Variants in GPR107 observed in about 807,000 individuals in gnomAD.
The protein encoded by GPR107 is protein GPR107.
A neutral mutation model predicts 75.5 loss-of-function variants in GPR107; 31 were observed. The ratio of observed to expected loss-of-function variants is 0.41; its 90% CI spans 0.31 to 0.55. The LOEUF is 0.55. Among genes scored for constraint, GPR107 ranks in the 20% least tolerant of loss-of-function variants. The probability of loss-of-function intolerance (pLI) is 0.26; values close to 1 mark genes in which losing one functional copy is unlikely to be tolerated. For synonymous variants in GPR107, 267 were observed against 251.3 expected, an observed-to-expected ratio of 1.06 and a Z score of -0.59; for missense variants, 572 against 665.7, an observed-to-expected ratio of 0.86 and a Z score of 1.55.
At chr9:130,062,769 G>T (rs1829964462) in intron 1 of GPR107, among the ~76,000 whole-genome samples, 2 of 150,312 alleles carry the variant, frequency 1.3e-5, no homozygotes, top group Admixed American at 1.3e-4. Context: ...ACCCAGCCTA[G>T]AACTCAGTGG....
chr9:130,073,336 C>T (rs1830258145), intron 1 of GPR107, among the ~76,000 whole-genome samples: 1 of 152,126 alleles, frequency 6.6e-6, no homozygotes, highest in Admixed American at 6.6e-5. Flanking sequence ...GGGTAGTCAT[C>T]ATATACTGTC....
At chr9:130,116,945 T>C (rs1199941750) in intron 14 of GPR107, among the ~76,000 whole-genome samples, 4 of 77,144 alleles carry the variant, frequency 5.2e-5, no homozygotes, top group African/African-American at 2.1e-4. Context: ...ATATTTGAAA[T>C]GTATTTTTTT....
At chr9:130,066,853 G>A (rs1018221987) in intron 1 of GPR107, among the ~76,000 whole-genome samples, 8 of 152,184 alleles carry the variant, frequency 5.3e-5, no homozygotes, top group African/African-American at 1.7e-4. Flanking sequence ...GGGTGTGGTG[G>A]CGGGCGCCTG....
chr9:130,101,135 T>C lies in GPR107; in HGVS notation c.1043T>C (p.Ile348Thr), dbSNP rs148121210. ...LLKGALLFIT[I>T]ALIGTGWAFI... ...AAAGGGGCGCTACTCTTCATCACCA[T>C]TGCACTCATTGGCACTGGCTGGGCT... The change falls in exon 12 of 18, where the codon ATT becomes ACT. Residue 348 changes from isoleucine to threonine, a missense_variant. Ile to Thr is a moderately conservative substitution (Grantham distance 89, BLOSUM62 -1). Transcript: ENST00000347136. 5 of 1,608,198 alleles carry C rather than the reference T, an allele frequency of 3.1e-6. No individual in the cohort carries two copies. Among genetic ancestry groups the C allele is most frequent in the Non-Finnish European group, 3.4e-6 (4 of 1,174,560 alleles).
intron 7 of GPR107, among the ~76,000 whole-genome samples, chr9:130,088,016 G>A (rs1830654992): frequency 6.6e-6 from 1 of 152,066 alleles, no homozygotes; most frequent in African/African-American, 2.4e-5. Context: ...AACAATGTTT[G>A]TATGTTCTTT....
chr9:130,080,986 G>T (rs181923816), intron 5 of GPR107, among the ~76,000 whole-genome samples: 1 of 151,622 alleles, frequency 6.6e-6, no homozygotes, highest in African/African-American at 2.4e-5. Flanking sequence ...AAAGTGGGAG[G>T]ATCACTTGAG....
intron 3 of GPR107, among the ~76,000 whole-genome samples, chr9:130,076,953 T>A (rs1830365577): frequency 1.3e-5 from 2 of 151,650 alleles, no homozygotes; most frequent in African/African-American, 4.8e-5. Flanking sequence ...AATGGTGTGA[T>A]CTTGGCTCAC....
chr9:130,059,178 C>T (rs188556591), intron 1 of GPR107, among the ~76,000 whole-genome samples: 3 of 152,270 alleles, frequency 2.0e-5, no homozygotes, highest in African/African-American at 7.2e-5. Flanking sequence ...CAGCATTTGT[C>T]ATTGTCTTCC....
Position 130,115,762 on chromosome 9 carries a change from C to CAA in GPR107, c.1306+8245_1306+8246dup, listed in dbSNP as rs765306078. On this transcript the variant is annotated intron_variant, in intron 14 of 17. Coordinates refer to ENST00000347136, the MANE Select transcript of GPR107 (RefSeq NM_020960.5). ...TGGGCGACAGAGCAAGACTCCGTCT[C>CAA]AAAAAAAAAAAAAAAAAAAAAAATT... Among the ~76,000 whole-genome samples, 346 of 90,086 alleles carry CAA rather than the reference C, an allele frequency of 3.8e-3. 4 individuals are homozygous for CAA. Among genetic ancestry groups the CAA allele is most frequent in the African/African-American group, 0.014 (313 of 22,090 alleles). 59.1% of individuals were successfully genotyped at this position (90,086 alleles called of 152,430 possible).
At position 130,128,711 on chromosome 9, in the gene GPR107, C is replaced by T; in HGVS notation, c.1512C>T (p.Asn504=). 1 of 1,611,358 alleles carries T rather than the reference C, an allele frequency of 6.2e-7. No individual in the cohort carries two copies. Among genetic ancestry groups the T allele is most frequent in the Non-Finnish European group, 8.5e-7 (1 of 1,177,454 alleles). The change falls in exon 17 of 18, where the codon AAC becomes AAT. Residue 504 remains asparagine (N), a synonymous_variant. Transcript: ENST00000347136. The part of the protein sequence containing the change: ...TGYKFRPASD[N]PYLQLSQEEE... ...ATAAATTCCGTCCGGCTTCAGATAA[C>T]CCCTACCTACAACTTTCTCAGGAAG...
intron 1 of GPR107, among the ~76,000 whole-genome samples, chr9:130,072,487 G>A (rs536564109): frequency 1.8e-3 from 279 of 152,054 alleles, no homozygotes; most frequent in African/African-American, 6.3e-3. Context: ...CCAAAGTGCC[G>A]GGATTACAGG....
intron 4 of GPR107, 61 bp from the exon 5 acceptor site, chr9:130,079,569 C>T (rs1388672811): frequency 1.6e-5 from 23 of 1,442,826 alleles, no homozygotes; most frequent in East Asian, 9.1e-5. Flanking sequence ...CTACACGCAG[C>T]GTGCTCAGTG....
Position 130,124,970 on chromosome 9 carries a change from TAAA to T in GPR107, c.1356+18_1356+20del, listed in dbSNP as rs11316087. The T allele has an allele frequency of 2.6e-3, 2,332 of 912,202 alleles. No homozygotes were observed. Among genetic ancestry groups the T allele is most frequent in the Admixed American group, 3.6e-3 (123 of 34,534 alleles). 56.5% of individuals were successfully genotyped at this position (912,202 alleles called of 1,614,324 possible). On this transcript the variant is annotated splice_region_variant and intron_variant, in intron 15 of 17. Coordinates refer to ENST00000347136, the MANE Select transcript of GPR107 (RefSeq NM_020960.5). Reference sequence around the variant, plus strand: ...TCAGACATTATTACGTCTTGGTAAGTAAAAAAAAAAAAAATCCTCAATCTATAA... The same window carrying T: ...TCAGACATTATTACGTCTTGGTAAGTAAAAAAAAAAATCCTCAATCTATAA...
chr9:130,082,512 CT>C (rs1205744598), intron 5 of GPR107, among the ~76,000 whole-genome samples: 1 of 137,108 alleles, frequency 7.3e-6, no homozygotes, highest in East Asian at 2.0e-4. Context: ...CGGAGTCTTG[CT>C]CTGTCTCCCA....
intron 14 of GPR107, among the ~76,000 whole-genome samples, chr9:130,119,873 C>T (rs1003281192): frequency 2.0e-5 from 3 of 152,162 alleles, no homozygotes; most frequent in African/African-American, 7.2e-5. Context: ...CAGGTACTCA[C>T]TCACCCAAGC....
intron 1 of GPR107, among the ~76,000 whole-genome samples, chr9:130,074,558 A>G (rs1450264637): frequency 6.6e-6 from 1 of 152,104 alleles, no homozygotes; most frequent in Non-Finnish European, 1.5e-5. Flanking sequence ...TTGAGATTGG[A>G]GTCAGGATGT....
Position 130,092,276 on chromosome 9 carries a change from G to C in GPR107, c.758G>C (p.Ser253Thr). 6.2e-7 allele frequency: 1 copy of C among 1,610,006 alleles called. No individual in the cohort carries two copies. Residue 253 changes from serine to threonine, a missense_variant, in exon 9 of 18, where the codon AGC becomes ACC. Coordinates refer to ENST00000347136, the MANE Select transcript of GPR107 (RefSeq NM_020960.5). ...DIEITEKNPD[S>T]YLSAGEIPLP... ...GAGATCACAGAGAAGAATCCTGACA[G>C]CTACCTCTCAGCAGGAGAAATTCCT...
At chr9:130,089,220 A>G (rs1830678662) in intron 7 of GPR107, among the ~76,000 whole-genome samples, 1 of 152,174 alleles carries the variant, frequency 6.6e-6, no homozygotes, top group African/African-American at 2.4e-5. Context: ...TCACAAAGGA[A>G]AGTGTTACAG....
chr9:130,130,942 C>T (rs1831814157), intron 17 of GPR107, among the ~76,000 whole-genome samples: 1 of 151,030 alleles, frequency 6.6e-6, no homozygotes, highest in South Asian at 2.1e-4. Flanking sequence ...TGATTGCAGT[C>T]TTGTGTGGCA....
Sources: allele counts gnomAD v4.1 joint callset (sites outside exome capture counted in the v4.1 genomes callset), GRCh38; gene constraint gnomAD v4.1.1; transcripts MANE v1.5; gene names NCBI Gene and HGNC (gene_info 2026-07-23, HGNC 2026-07-21).